Variants in ADD2 observed in about 807,000 individuals in gnomAD.
ADD2 encodes the protein beta-adducin.
In ADD2, 23 loss-of-function variants were observed where a neutral mutation model predicts 83.0. The ratio of observed to expected loss-of-function variants is 0.28; its 90% CI spans 0.20 to 0.39. The LOEUF (loss-of-function observed/expected upper bound fraction) is 0.39, where lower values mean the gene tolerates loss of function less well. Ranked by LOEUF, ADD2 falls within the 10% of genes least tolerant of loss-of-function variation. ADD2 has a pLI of 1.00. For missense variants in ADD2, 758 were observed against 944.9 expected, an observed-to-expected ratio of 0.80 and a Z score of 2.59; for synonymous variants, 375 against 375.4, an observed-to-expected ratio of 1.00 and a Z score of 0.01.
chr2:70,725,031 A>G (rs1279134950), intron 1 of ADD2, among the ~76,000 whole-genome samples: 2 of 152,204 alleles, frequency 1.3e-5, no homozygotes, highest in African/African-American at 4.8e-5. Context: ...ATAAGGGTGA[A>G]GAACAAAGAC....
chr2:70,678,942 G>T lies in ADD2; in HGVS notation c.1145C>A (p.Thr382Lys), dbSNP rs145886276. 7 of 1,612,878 alleles carry T rather than the reference G, an allele frequency of 4.3e-6. No homozygotes were observed. Among genetic ancestry groups the T allele is most frequent in the Non-Finnish European group, 5.1e-6 (6 of 1,179,494 alleles). ...CTCTTGAACAAAGGGGTGGCGATACGTGTAACCTGTTCTGTAGCCCTATAA... is the reference window on the plus strand; with the variant it reads ...CTCTTGAACAAAGGGGTGGCGATACTTGTAACCTGTTCTGTAGCCCTATAA... ...LDNLGYRTGY[T>K]YRHPFVQEKT... The change falls in exon 11 of 16, where the codon ACG (threonine) becomes AAG (lysine). Residue 382 changes from threonine to lysine, a missense_variant. By Grantham distance (78) the Thr-to-Lys change is moderately conservative (BLOSUM62 -1). Around this residue, in one of 5 missense-constraint regions of ADD2, gnomAD observed 394 missense variants for 509.3 expected, o/e 0.77. Transcript: ENST00000264436.
intron 2 of ADD2, among the ~76,000 whole-genome samples, chr2:70,708,617 G>C (rs1259215699): frequency 6.6e-6 from 1 of 152,186 alleles, no homozygotes; most frequent in South Asian, 2.1e-4. Context: ...TCCCATAGCT[G>C]TCTAGGCCCC....
At chr2:70,747,538 T>C (rs1425754700) in intron 1 of ADD2, among the ~76,000 whole-genome samples, 1 of 151,720 alleles carries the variant, frequency 6.6e-6, no homozygotes, top group African/African-American at 2.4e-5. Flanking sequence ...TCATGCCATG[T>C]GTTCTCCCAT....
At chr2:70,760,961 A>AGATGAAGAAGTGTATGCCCCAAAAG (rs1675053739) in intron 1 of ADD2, among the ~76,000 whole-genome samples, 1 of 152,214 alleles carries the variant, frequency 6.6e-6, no homozygotes, top group Admixed American at 6.5e-5. Context: ...AAAAAGATTA[A>AGATGAAGAAGTGTATGCCCCAAAAG]GATGAAGAAG....
At chr2:70,685,305 C>T (rs1295457246) in intron 9 of ADD2, among the ~76,000 whole-genome samples, 2 of 152,160 alleles carry the variant, frequency 1.3e-5, no homozygotes, top group East Asian at 1.9e-4. Context: ...CATCATTTAA[C>T]AAATGCCCCT....
chr2:70,728,564 T>C (rs1307059890), intron 1 of ADD2, among the ~76,000 whole-genome samples: 3 of 152,310 alleles, frequency 2.0e-5, no homozygotes, highest in Non-Finnish European at 4.4e-5. Flanking sequence ...TTGAAGACAC[T>C]CTCTGAAAAA....
rs546638645 is a variant in ADD2 at position 70,662,744 on chromosome 2, C to T, written c.*681G>A. ...TGATGAAACCATCCCCAATCCTCAGCTTACATGGCTTGCCCCTATGCCTAC... is the reference window on the plus strand; with the variant it reads ...TGATGAAACCATCCCCAATCCTCAGTTTACATGGCTTGCCCCTATGCCTAC... On this transcript the variant is annotated 3_prime_UTR_variant, in exon 16 of 16. Coordinates refer to ENST00000264436, the MANE Select transcript of ADD2 (RefSeq NM_001617.4). The T allele has an allele frequency of 6.6e-6, 1 of 152,380 alleles. No individual in the cohort carries two copies. The highest frequency in any genetic ancestry group is 2.1e-4 in the South Asian group (1 of 4,832). 9.4% of individuals were successfully genotyped at this position (152,380 alleles called of 1,614,324 possible).
At chr2:70,758,488 C>T (rs1553384266) in intron 1 of ADD2, among the ~76,000 whole-genome samples, 1 of 151,984 alleles carries the variant, frequency 6.6e-6, no homozygotes. Context: ...TTCAGCCTAC[C>T]TAGAGGGTAG....
At chr2:70,724,590 G>A (rs1558561078) in intron 1 of ADD2, among the ~76,000 whole-genome samples, 1 of 152,212 alleles carries the variant, frequency 6.6e-6, no homozygotes, top group Non-Finnish European at 1.5e-5. Flanking sequence ...GAGGCCTGCT[G>A]CCATCACTCT....
chr2:70,704,263 T>TGCCCCCCCCCCCCCACCCCCCCCCCC, intron 4 of ADD2, 58 bp downstream of exon 4: 3 of 913,238 alleles, frequency 3.3e-6, no homozygotes, highest in Non-Finnish European at 5.1e-6. Flanking sequence ...CTCCCTCTCT[T>TGCCCCCCCCCCCCCACCCCCCCCCCC]CCCCACCCCA....
At chr2:70,726,001 A>C (rs889573126) in intron 1 of ADD2, among the ~76,000 whole-genome samples, 4 of 151,642 alleles carry the variant, frequency 2.6e-5, no homozygotes, top group Non-Finnish European at 4.4e-5. Flanking sequence ...TCCCGGCTAA[A>C]ACGGTGAAAC....
At chr2:70,690,706 CA>C (rs1670982603) in intron 8 of ADD2, 79 bp downstream of exon 8, 1 of 1,488,018 alleles carries the variant, frequency 6.7e-7, no homozygotes, top group East Asian at 2.4e-5. Context: ...CCTTATTGTC[CA>C]ATGAACATAT....
At chr2:70,718,817 TCAC>T (rs1239786588) in intron 1 of ADD2, among the ~76,000 whole-genome samples, 5 of 152,166 alleles carry the variant, frequency 3.3e-5, no homozygotes, top group Non-Finnish European at 7.4e-5. Flanking sequence ...TCCTGTTACT[TCAC>T]CACACTTTCT....
chr2:70,697,758 A>G (rs527553036), intron 4 of ADD2, among the ~76,000 whole-genome samples: 262 of 152,360 alleles, frequency 1.7e-3, no homozygotes, highest in Non-Finnish European at 2.9e-3. Context: ...TATGTCCTGC[A>G]TCGAGTGTGC....
intron 15 of ADD2, among the ~76,000 whole-genome samples, chr2:70,671,861 C>CT (rs1490506534): frequency 6.6e-6 from 1 of 152,102 alleles, no homozygotes; most frequent in Non-Finnish European, 1.5e-5. Context: ...TCCAATAGGC[C>CT]ACCAGATTTC....
At chr2:70,704,203 C>T (rs1671766353) in intron 4 of ADD2, 118 bp downstream of exon 4, 1 of 1,376,744 alleles carries the variant, frequency 7.3e-7, no homozygotes, top group South Asian at 1.4e-5. Context: ...CCTGATAACA[C>T]AATGGGCTGC....
At chr2:70,712,318 C>T (rs1202106987) in intron 2 of ADD2, among the ~76,000 whole-genome samples, 1 of 151,746 alleles carries the variant, frequency 6.6e-6, no homozygotes, top group Non-Finnish European at 1.5e-5. Flanking sequence ...GTGGTGTGCA[C>T]CTGTAGTCCC....
chr2:70,677,037 G>A lies in ADD2; in HGVS notation c.1504-152C>T, dbSNP rs1250493945. ...CCTAATGCAATCCTTGTACTTTAAG[G>A]GGGGGCCTCCAAGTCTGTTCCAGGG... On this transcript the variant is annotated intron_variant, in intron 12 of 15. Coordinates refer to ENST00000264436, the MANE Select transcript of ADD2 (RefSeq NM_001617.4). The A allele has an allele frequency of 6.9e-6, 9 of 1,313,812 alleles. 1 individual carries two copies. In the East Asian group the frequency reaches 1.6e-4, roughly 23 times the overall value. The allele number at this position is 1,313,812 out of a possible 1,614,324, so 81.4% of individuals were successfully genotyped here.
chr2:70,757,717 A>T (rs1674870191), intron 1 of ADD2, among the ~76,000 whole-genome samples: 1 of 152,186 alleles, frequency 6.6e-6, no homozygotes, highest in African/African-American at 2.4e-5. Flanking sequence ...TTCACGGTAG[A>T]TTTTTGAAAG....
Sources: gnomAD v4.1 joint callset for allele counts (sites outside exome capture counted in the v4.1 genomes callset) on GRCh38, gnomAD v4.1.1 for gene constraint, gnomAD v4.1.1 regional missense constraint, MANE v1.5 for transcripts, NCBI Gene and HGNC (gene_info 2026-07-23, HGNC 2026-07-21) for gene names.